Variants in LDLRAD4 observed in about 807,000 individuals in gnomAD.
LDLRAD4 encodes the protein low-density lipoprotein receptor class A domain-containing protein 4.
Under a neutral mutation model 17.0 loss-of-function variants are expected in LDLRAD4, and 5 were observed. The observed-to-expected ratio is 0.29, with a 90% CI of 0.15 to 0.62. The LOEUF (loss-of-function observed/expected upper bound fraction) is 0.62, where lower values mean the gene tolerates loss of function less well. Among genes scored for constraint, LDLRAD4 ranks in the 20% least tolerant of loss-of-function variants. The pLI, the probability that LDLRAD4 is intolerant of heterozygous loss-of-function variation, is 0.84. For synonymous variants in LDLRAD4, 168 were observed against 171.8 expected, an observed-to-expected ratio of 0.98 and a Z score of 0.17; for missense variants, 340 against 424.7, an observed-to-expected ratio of 0.80 and a Z score of 1.75.
chr18:13,606,451 C>T lies in LDLRAD4; in HGVS notation c.182-14666C>T, dbSNP rs372506759. Among the ~76,000 whole-genome samples, 575 of 152,134 alleles carry T rather than the reference C, an allele frequency of 3.8e-3. 3 individuals are homozygous for T. Among genetic ancestry groups the T allele is most frequent in the African/African-American group, 0.013 (550 of 41,486 alleles). Reference sequence around the variant, plus strand: ...TAATTTATTTAATACATTTGTAATCCGCATTATTGGCTTGCTAGCTCCATG... The same window carrying T: ...TAATTTATTTAATACATTTGTAATCTGCATTATTGGCTTGCTAGCTCCATG... On this transcript the variant is annotated intron_variant, in intron 3 of 5. Transcript: ENST00000359446.
At chr18:13,344,443 T>A (rs1251952460) in intron 1 of LDLRAD4, among the ~76,000 whole-genome samples, 1 of 152,184 alleles carries the variant, frequency 6.6e-6, no homozygotes, top group Non-Finnish European at 1.5e-5. Flanking sequence ...TTGGTCTATA[T>A]CTTTGTTTTG....
intron 1 of LDLRAD4, among the ~76,000 whole-genome samples, chr18:13,338,350 G>T (rs541253241): frequency 7.0e-4 from 107 of 152,250 alleles, no homozygotes; most frequent in Non-Finnish European, 1.3e-3. Flanking sequence ...GTAAAATCAG[G>T]TATCTTTTCT....
At position 13,369,118 on chromosome 18, in the gene LDLRAD4, G is replaced by A. The variant is rs182623846; in HGVS notation, c.-382-18223G>A. On this transcript the variant is annotated intron_variant, in intron 1 of 5. Transcript: ENST00000359446. ...AAGCTGACTATGGGAACTGGCTATG[G>A]GAGGACCGTGTGCTTTTACCCCAGG... Among the ~76,000 whole-genome samples the A allele has an allele frequency of 2.0e-3, 300 of 152,342 alleles. 2 individuals are homozygous for A. The highest frequency in any genetic ancestry group is 2.8e-4 in the Non-Finnish European group (19 of 68,028).
intron 3 of LDLRAD4, among the ~76,000 whole-genome samples, chr18:13,587,967 T>C (rs1447358722): frequency 6.6e-6 from 1 of 152,208 alleles, no homozygotes; most frequent in African/African-American, 2.4e-5. Flanking sequence ...GCCAACAATT[T>C]CTTTATTTTA....
chr18:13,335,104 A>G (rs995313913), intron 1 of LDLRAD4, among the ~76,000 whole-genome samples: 12 of 151,948 alleles, frequency 7.9e-5, no homozygotes, highest in South Asian at 6.2e-4. Context: ...TATAGTTTTT[A>G]AAGTGGTTTC....
intron 3 of LDLRAD4, among the ~76,000 whole-genome samples, chr18:13,564,580 TAAAAAAAAA>T (rs367805996): frequency 1.3e-3 from 104 of 82,466 alleles, no homozygotes; most frequent in Non-Finnish European, 1.5e-3. Flanking sequence ...TCCCATTTTC[TAAAAAAAAA>T]AAAAAAAAAA....
At chr18:13,284,773 G>C (rs2045515288) in intron 1 of LDLRAD4, among the ~76,000 whole-genome samples, 1 of 152,230 alleles carries the variant, frequency 6.6e-6, no homozygotes, top group South Asian at 2.1e-4. Flanking sequence ...TCCTGCCCCT[G>C]CTCGAGGCCA....
chr18:13,313,654 G>A (rs558748616), intron 1 of LDLRAD4, among the ~76,000 whole-genome samples: 40 of 152,306 alleles, frequency 2.6e-4, no homozygotes, highest in Non-Finnish European at 4.7e-4. Flanking sequence ...GAACAAGAAC[G>A]TTTTGCACCT....
At chr18:13,488,418 A>G (rs1014383455) in intron 3 of LDLRAD4, 2 of 151,942 alleles carry the variant, frequency 1.3e-5, no homozygotes, top group Admixed American at 1.3e-4. Flanking sequence ...GCACCCTTCC[A>G]GGTGCGTTTC....
chr18:13,403,776 T>C (rs2087449433), intron 2 of LDLRAD4, among the ~76,000 whole-genome samples: 1 of 152,210 alleles, frequency 6.6e-6, no homozygotes, highest in East Asian at 1.9e-4. Flanking sequence ...GAATTCAGAT[T>C]GGTTCTAATA....
At chr18:13,475,265 T>C (rs1331939238) in intron 3 of LDLRAD4, among the ~76,000 whole-genome samples, 1 of 152,080 alleles carries the variant, frequency 6.6e-6, no homozygotes, top group Non-Finnish European at 1.5e-5. Context: ...TTTGTTTTGT[T>C]TTAAGAGATG....
At chr18:13,431,041 A>G (rs2090302575) in intron 2 of LDLRAD4, among the ~76,000 whole-genome samples, 1 of 152,210 alleles carries the variant, frequency 6.6e-6, no homozygotes, top group South Asian at 2.1e-4. Context: ...GTGCCTTTAA[A>G]ATTATGAATT....
chr18:13,305,124 C>T (rs2046834358), intron 1 of LDLRAD4, among the ~76,000 whole-genome samples: 1 of 151,792 alleles, frequency 6.6e-6, no homozygotes, highest in Admixed American at 6.6e-5. Flanking sequence ...CAAAGTTAGG[C>T]ATGTCATGAA....
rs766882294 is a variant in LDLRAD4, at chr18:13,398,812, C to T, written c.40+11050C>T. 2.6e-4 allele frequency among the ~76,000 whole-genome samples: 39 copies of T among 152,152 alleles called. No individual in the cohort carries two copies. The highest frequency in any genetic ancestry group is 4.7e-4 in the Non-Finnish European group (32 of 68,032). Reference sequence around the variant, plus strand: ...CTGCCAGTGACCAGCCCACCCTCCCCGGGGGCACTATAGCAACCGTGTGTT... The same window carrying T: ...CTGCCAGTGACCAGCCCACCCTCCCTGGGGGCACTATAGCAACCGTGTGTT... On this transcript the variant is annotated intron_variant, in intron 2 of 5. Transcript: ENST00000359446. This position sits in a 1 kb window ranked among gnomAD's most constrained non-coding sequence, Gnocchi z 4.8.
At chr18:13,429,145 A>G (rs1388258644) in intron 2 of LDLRAD4, among the ~76,000 whole-genome samples, 1 of 152,088 alleles carries the variant, frequency 6.6e-6, no homozygotes, top group Admixed American at 6.5e-5. Context: ...CATGGGAAGG[A>G]TGCGGTTCCC....
intron 2 of LDLRAD4, among the ~76,000 whole-genome samples, chr18:13,397,811 AT>A (rs1222054775): frequency 1.3e-5 from 2 of 151,918 alleles, no homozygotes; most frequent in Non-Finnish European, 2.9e-5. Context: ...ATCTACACTC[AT>A]TTTTTTCTTT....
At position 13,387,641 on chromosome 18, in the gene LDLRAD4, T is replaced by C. The variant is rs1159690633; in HGVS notation, c.-82T>C. 2.3e-6 allele frequency: 3 copies of C among 1,279,038 alleles called. No homozygotes were observed. The highest frequency in any genetic ancestry group is 1.2e-5 in the South Asian group (1 of 84,120). The allele number at this position is 1,279,038 out of a possible 1,614,324, so 79.2% of individuals were successfully genotyped here. A position where few individuals can be genotyped will look rare whatever the true frequency, so the allele number is the denominator to read the frequency against. ...AGCGATGGACTTGGACAGGCTAAGATGGAAGTGACCTGAGCCTCGCCCGGC... is the reference window on the plus strand; with the variant it reads ...AGCGATGGACTTGGACAGGCTAAGACGGAAGTGACCTGAGCCTCGCCCGGC... On this transcript the variant is annotated 5_prime_UTR_variant, in exon 2 of 6. An upstream start codon of the reference 5' UTR is lost. Coordinates refer to ENST00000359446, the Ensembl canonical transcript of LDLRAD4.
intron 1 of LDLRAD4, among the ~76,000 whole-genome samples, chr18:13,255,816 T>A (rs1181341602): frequency 6.6e-6 from 1 of 152,132 alleles, no homozygotes; most frequent in Non-Finnish European, 1.5e-5. Flanking sequence ...GAGGGAGATG[T>A]GGTGCGTCTG....
At chr18:13,303,711 C>T (rs895331768) in intron 1 of LDLRAD4, among the ~76,000 whole-genome samples, 1 of 152,152 alleles carries the variant, frequency 6.6e-6, no homozygotes, top group Non-Finnish European at 1.5e-5. Context: ...CCCTCCTCCT[C>T]ACTCCCCAAG....
Sources: allele counts gnomAD v4.1 joint callset (sites outside exome capture counted in the v4.1 genomes callset), GRCh38; gene constraint gnomAD v4.1.1; non-coding constraint Gnocchi (gnomAD v3.1); transcripts MANE v1.5; gene names NCBI Gene and HGNC (gene_info 2026-07-23, HGNC 2026-07-21).